ESR1: variants seen among roughly 807,000 people sequenced by gnomAD.
The protein encoded by ESR1 is estrogen receptor 1, also known as estrogen receptor.
In ESR1, 12 loss-of-function variants were observed where a neutral mutation model predicts 52.7. The ratio of observed to expected loss-of-function variants is 0.23; its 90% CI spans 0.15 to 0.37. ESR1 has a LOEUF of 0.37. Among genes scored for constraint, ESR1 ranks in the 10% least tolerant of loss-of-function variants. The pLI is 1.00. For synonymous variants in ESR1, 305 were observed against 316.8 expected (o/e 0.96, Z 0.39); for missense variants, 584 against 779.7 (o/e 0.75, Z 2.99).
chr6:151,956,883 AT>A (rs1158159307), intron 4 of ESR1, among the ~76,000 whole-genome samples: 38 of 135,174 alleles, frequency 2.8e-4, no homozygotes, highest in Middle Eastern at 4.2e-3. Flanking sequence ...TATATATAAA[AT>A]TTTTTTTTTT....
chr6:151,859,598 C>T (rs142744169), intron 2 of ESR1, among the ~76,000 whole-genome samples: 5 of 152,314 alleles, frequency 3.3e-5, no homozygotes, highest in East Asian at 3.9e-4. Flanking sequence ...GTGTCAGCTT[C>T]GCGTTCTCTG....
At chr6:151,883,696 A>G (rs1793350808) in intron 3 of ESR1, among the ~76,000 whole-genome samples, 1 of 152,056 alleles carries the variant, frequency 6.6e-6, no homozygotes. Context: ...AATACCATAG[A>G]CTGGGTGGCT....
rs530704034 is a variant in ESR1 at position 151,862,558 on chromosome 6, T to C, written c.644-18097T>C. Among the ~76,000 whole-genome samples the C allele has an allele frequency of 5.3e-5, 8 of 152,250 alleles. No individual in the cohort carries two copies. The South Asian group carries it at 1.7e-3, about 32-fold the overall frequency. ...ATTTGGAGAGGAGACCAAGGCCCTGTAGGACTAAAGGTTTGGGTGAGCTGA... is the reference window on the plus strand; with the variant it reads ...ATTTGGAGAGGAGACCAAGGCCCTGCAGGACTAAAGGTTTGGGTGAGCTGA... On this transcript the variant is annotated intron_variant, in intron 2 of 7. Coordinates refer to ENST00000206249, the MANE Select transcript of ESR1 (RefSeq NM_000125.4).
intron 2 of ESR1, among the ~76,000 whole-genome samples, chr6:151,713,579 G>T (rs1780789972): frequency 6.6e-6 from 1 of 152,154 alleles, no homozygotes; most frequent in Non-Finnish European, 1.5e-5. Context: ...GGGCGTATGT[G>T]TCCAGGAATT....
At chr6:152,083,618 A>G (rs2049426755) in intron 6 of ESR1, among the ~76,000 whole-genome samples, 1 of 152,262 alleles carries the variant, frequency 6.6e-6, no homozygotes, top group Admixed American at 6.5e-5. Context: ...ATCTAATTAA[A>G]CTAAAGAGCT....
chr6:151,834,216 A>G (rs1027801071), intron 1 of ESR1, among the ~76,000 whole-genome samples: 10 of 152,252 alleles, frequency 6.6e-5, no homozygotes, highest in Admixed American at 5.9e-4. Context: ...CTAAAGGATT[A>G]TAAATCATTC....
chr6:151,693,887 G>A (rs1041831608), intron 1 of ESR1, among the ~76,000 whole-genome samples: 25 of 152,144 alleles, frequency 1.6e-4, no homozygotes, highest in African/African-American at 5.6e-4. Flanking sequence ...CAAACTGCTG[G>A]GATTACAGAC....
intron 2 of ESR1, among the ~76,000 whole-genome samples, chr6:151,857,614 T>C (rs569081687): frequency 1.3e-5 from 2 of 152,194 alleles, no homozygotes; most frequent in South Asian, 2.1e-4. Context: ...TTGCAACCTC[T>C]GCCTCCCGGG....
intron 2 of ESR1, among the ~76,000 whole-genome samples, chr6:151,852,669 T>C (rs1256680112): frequency 1.3e-5 from 2 of 149,972 alleles, no homozygotes; most frequent in Non-Finnish European, 3.0e-5. Flanking sequence ...AGATTATTTA[T>C]ACTGTGGCAG....
intron 3 of ESR1, among the ~76,000 whole-genome samples, chr6:151,913,304 G>T (rs1798564098): frequency 6.6e-6 from 1 of 151,972 alleles, no homozygotes; most frequent in South Asian, 2.1e-4. Flanking sequence ...CTTGTATTGG[G>T]TTCCTCCCCC....
intron 1 of ESR1, among the ~76,000 whole-genome samples, chr6:151,824,299 G>T (rs564819618): frequency 6.6e-6 from 1 of 152,080 alleles, no homozygotes; most frequent in Non-Finnish European, 1.5e-5. Context: ...CATATCCTTC[G>T]CCCACTTGTT....
chr6:151,806,496 G>A (rs1336006217), upstream of ESR1, among the ~76,000 whole-genome samples: 1 of 127,278 alleles, frequency 7.9e-6, no homozygotes, highest in Non-Finnish European at 1.7e-5. Flanking sequence ...ATAGACGCAT[G>A]ATATACTTCA....
At chr6:151,872,577 C>T (rs1170402051) in intron 2 of ESR1, among the ~76,000 whole-genome samples, 1 of 152,156 alleles carries the variant, frequency 6.6e-6, no homozygotes, top group African/African-American at 2.4e-5. Context: ...TGTGTAAAAA[C>T]ATTTTGAATT....
At chr6:151,850,262 A>G (rs925345410) in intron 2 of ESR1, among the ~76,000 whole-genome samples, 1 of 149,714 alleles carries the variant, frequency 6.7e-6, no homozygotes, top group African/African-American at 2.5e-5. Flanking sequence ...CTGTGGTGTA[A>G]CCCACAGTAT....
chr6:151,891,492 G>A (rs923466704), intron 3 of ESR1, among the ~76,000 whole-genome samples: 3 of 151,818 alleles, frequency 2.0e-5, no homozygotes, highest in Non-Finnish European at 4.4e-5. Flanking sequence ...GCTTTTTTTT[G>A]TTTGTTTCAG....
chr6:152,002,552 A>C (rs919200069), intron 4 of ESR1, among the ~76,000 whole-genome samples: 17 of 152,018 alleles, frequency 1.1e-4, no homozygotes, highest in African/African-American at 3.9e-4. Context: ...TTTGTCAGGT[A>C]ACTCGGAATC....
At chr6:151,708,333 T>G (rs1697429746) in intron 2 of ESR1, among the ~76,000 whole-genome samples, 1 of 152,210 alleles carries the variant, frequency 6.6e-6, no homozygotes, top group Non-Finnish European at 1.5e-5. Context: ...CAGCTGATAC[T>G]CTGTTGTGAA....
chr6:152,035,634 A>T (rs2045225764), intron 5 of ESR1, among the ~76,000 whole-genome samples: 1 of 152,194 alleles, frequency 6.6e-6, no homozygotes, highest in African/African-American at 2.4e-5. Flanking sequence ...AAGTTGAGAG[A>T]TGGGGTAAAA....
chr6:151,965,243 A>C (rs538914196), intron 4 of ESR1, among the ~76,000 whole-genome samples: 74 of 152,320 alleles, frequency 4.9e-4, no homozygotes, highest in African/African-American at 1.6e-3. Flanking sequence ...ATATATATAT[A>C]TCTCTAAGAA....
Sources: allele counts gnomAD v4.1 joint callset (sites outside exome capture counted in the v4.1 genomes callset), GRCh38; gene constraint gnomAD v4.1.1; transcripts MANE v1.5; gene names NCBI Gene and HGNC (gene_info 2026-07-23, HGNC 2026-07-21).